The following NECTIN3 variants were observed in gnomAD, a reference collection of about 807,000 sequenced individuals.
The protein encoded by NECTIN3 is nectin cell adhesion molecule 3.
Under a neutral mutation model 49.4 loss-of-function variants are expected in NECTIN3, and 8 were observed. The observed-to-expected ratio is 0.16, with a 90% CI of 0.10 to 0.29. The LOEUF (loss-of-function observed/expected upper bound fraction) is 0.29. NECTIN3 is among the 10% of genes least tolerant of loss of function. The pLI, the probability that NECTIN3 is intolerant of heterozygous loss-of-function variation, is 1.00. For synonymous variants in NECTIN3, 277 were observed against 241.1 expected (o/e 1.15, Z -1.38); for missense variants, 581 against 654.6 (o/e 0.89, Z 1.23).
At position 111,149,561 on chromosome 3, in the gene NECTIN3, G is replaced by A. The variant is rs1344455244; in HGVS notation, c.1221+2077G>A. 4.7e-5 allele frequency among the ~76,000 whole-genome samples: 7 copies of A among 148,694 alleles called. No homozygotes were observed. The Admixed American group carries it at 4.7e-4, about 10-fold the overall frequency. The stretch of plus-strand genomic sequence containing the variant: ...CACATTCCTGTTAGGTTTACTTTAG[G>A]CATTTTGATAGTCACTGGGATTTCT... On this transcript the variant is annotated intron_variant, in intron 7 of 8. Transcript: ENST00000493615.
At chr3:111,170,060 A>C (rs2107526031) in intron 7 of NECTIN3, among the ~76,000 whole-genome samples, 1 of 152,248 alleles carries the variant, frequency 6.6e-6, no homozygotes, top group South Asian at 2.1e-4. Context: ...TTATCCACTG[A>C]TGTATTGGAT....
chr3:111,144,773 G>T, intron 5 of NECTIN3: 2 of 996,502 alleles, frequency 2.0e-6, no homozygotes, highest in South Asian at 3.7e-5. Context: ...TGAAATTTGG[G>T]GTCCTCTAAC....
At chr3:111,162,254 T>A (rs539736285) in intron 7 of NECTIN3, among the ~76,000 whole-genome samples, 1 of 152,296 alleles carries the variant, frequency 6.6e-6, no homozygotes, top group East Asian at 1.9e-4. Flanking sequence ...ACTTATATCA[T>A]TGATATGGTT....
chr3:111,094,073 CAAA>C (rs1030855817), intron 1 of NECTIN3, among the ~76,000 whole-genome samples: 5 of 151,688 alleles, frequency 3.3e-5, no homozygotes, highest in Non-Finnish European at 5.9e-5. Flanking sequence ...AAGGAAAAGA[CAAA>C]AACAAACTGT....
chr3:111,099,490 T>G (rs2032777928), intron 1 of NECTIN3, among the ~76,000 whole-genome samples: 1 of 152,252 alleles, frequency 6.6e-6, no homozygotes, highest in African/African-American at 2.4e-5. Context: ...TCTTGGAATT[T>G]GTAGCTATAC....
chr3:111,151,092 G>T (rs1173270605), intron 7 of NECTIN3, among the ~76,000 whole-genome samples: 1 of 151,698 alleles, frequency 6.6e-6, no homozygotes, highest in Non-Finnish European at 1.5e-5. Flanking sequence ...TATTCTTAGT[G>T]CATAACACAG....
chr3:111,144,765 A>G, intron 5 of NECTIN3: 1 of 909,010 alleles, frequency 1.1e-6, no homozygotes, highest in Non-Finnish European at 1.6e-6. Context: ...CTAATGAATG[A>G]AATTTGGGGT....
chr3:111,136,141 C>CT lies in NECTIN3; in HGVS notation c.*1933dup. ...CCCCATGAAAGATGTAAAACTATGGCTTTTTTTAAAATCAAAATTTCATCT... is the reference window on the plus strand; with the variant it reads ...CCCCATGAAAGATGTAAAACTATGGCTTTTTTTTAAAATCAAAATTTCATCT... On this transcript the variant is annotated 3_prime_UTR_variant, in exon 6 of 6. Coordinates refer to ENST00000485303, the MANE Select transcript of NECTIN3 (RefSeq NM_015480.3). 7 of 983,012 alleles carry CT rather than the reference C, an allele frequency of 7.1e-6. No individual in the cohort carries two copies. The highest frequency in any genetic ancestry group is 8.5e-6 in the Non-Finnish European group (7 of 828,102). 60.9% of individuals were successfully genotyped at this position (983,012 alleles called of 1,614,324 possible).
At chr3:111,159,082 A>G (rs922983500) in intron 7 of NECTIN3, among the ~76,000 whole-genome samples, 5 of 152,318 alleles carry the variant, frequency 3.3e-5, no homozygotes, top group East Asian at 1.9e-4. Flanking sequence ...TGAATTAATT[A>G]TTGATATTAC....
intron 7 of NECTIN3, among the ~76,000 whole-genome samples, chr3:111,168,183 A>G (rs1295763735): frequency 6.6e-6 from 1 of 151,942 alleles, no homozygotes; most frequent in Non-Finnish European, 1.5e-5. Flanking sequence ...AAAATAACAT[A>G]CAAAGAGCTA....
downstream of NECTIN3, among the ~76,000 whole-genome samples, chr3:111,139,778 A>T (rs1463183878): frequency 6.6e-6 from 1 of 151,798 alleles, no homozygotes; most frequent in Non-Finnish European, 1.5e-5. Flanking sequence ...GTTCAAAATT[A>T]GTCTGTACTC....
At chr3:111,192,259 A>G, upstream of NECTIN3, 1 of 1,143,458 alleles carries the variant, frequency 8.7e-7, no homozygotes, top group Non-Finnish European at 1.2e-6. Context: ...TTATAACAAG[A>G]CATGATTGGC....
At chr3:111,180,686 GT>G (rs898515293) in intron 7 of NECTIN3, among the ~76,000 whole-genome samples, 1 of 152,144 alleles carries the variant, frequency 6.6e-6, no homozygotes, top group African/African-American at 2.4e-5. Context: ...TTCTTTATGT[GT>G]TGCTCCTTTA....
intron 7 of NECTIN3, among the ~76,000 whole-genome samples, chr3:111,149,887 C>T (rs1184889540): frequency 6.6e-6 from 1 of 151,884 alleles, no homozygotes; most frequent in Non-Finnish European, 1.5e-5. Context: ...AATTTCCTTG[C>T]ATTAAAATTT....
At chr3:111,128,430 T>C (rs1030626967) in intron 5 of NECTIN3, among the ~76,000 whole-genome samples, 1 of 152,216 alleles carries the variant, frequency 6.6e-6, no homozygotes, top group African/African-American at 2.4e-5. Context: ...TTTATCATTC[T>C]GAGTGCAGTG....
chr3:111,136,842 AT>A lies in NECTIN3; in HGVS notation c.*2633del. 1.0e-6 allele frequency: 1 copy of A among 959,982 alleles called. No individual in the cohort carries two copies. The highest frequency in any genetic ancestry group is 1.2e-6 in the Non-Finnish European group (1 of 807,036). The allele number at this position is 959,982 out of a possible 1,614,324, so 59.5% of individuals were successfully genotyped here. A position where few individuals can be genotyped will look rare whatever the true frequency, so the allele number is the denominator to read the frequency against. On this transcript the variant is annotated 3_prime_UTR_variant, in exon 6 of 6. Coordinates refer to ENST00000485303, the MANE Select transcript of NECTIN3 (RefSeq NM_015480.3). ...TGAATGCAACTCTTATTTTTCTGCC[AT>A]TTTTTATTAAAATACATTGAAACTA...
chr3:111,143,702 A>C (rs1369415527), intron 5 of NECTIN3, among the ~76,000 whole-genome samples: 1 of 151,930 alleles, frequency 6.6e-6, no homozygotes, highest in Non-Finnish European at 1.5e-5. Context: ...TTTAAGTAAA[A>C]CTGAGACCTC....
chr3:111,174,613 A>G (rs2035491167), intron 7 of NECTIN3, among the ~76,000 whole-genome samples: 1 of 151,776 alleles, frequency 6.6e-6, no homozygotes, highest in Admixed American at 6.6e-5. Context: ...TTACATGTCT[A>G]CAGTGTGCTG....
At chr3:111,097,687 C>T (rs1339836381) in intron 1 of NECTIN3, among the ~76,000 whole-genome samples, 1 of 152,164 alleles carries the variant, frequency 6.6e-6, no homozygotes, top group Admixed American at 6.5e-5. Flanking sequence ...CACAAGCTCT[C>T]TATGCCTGCT....
Sources: allele counts gnomAD v4.1 joint callset (sites outside exome capture counted in the v4.1 genomes callset), GRCh38; gene constraint gnomAD v4.1.1; transcripts MANE v1.5; gene names NCBI Gene and HGNC (gene_info 2026-07-23, HGNC 2026-07-21).